TTN: variants seen among roughly 807,000 people sequenced by gnomAD.
TTN encodes the protein titin.
Under a neutral mutation model 3,223.0 loss-of-function variants are expected in TTN, and 1,525 were observed. The ratio of observed to expected loss-of-function variants is 0.47; its 90% CI spans 0.45 to 0.49. The LOEUF is 0.49. TTN is among the 20% of genes least tolerant of loss of function. The pLI is 0.00. For synonymous variants in TTN, 14,094 were observed against 15,161.0 expected (o/e 0.93, Z 5.17); for missense variants, 40,786 against 43,424.0 (o/e 0.94, Z 5.40).
At chr2:178,612,628 G>A (rs1005174273) in intron 265 of TTN, 52 bp from the exon 266 acceptor site, 47 of 1,565,938 alleles carry the variant, frequency 3.0e-5, no homozygotes, top group Non-Finnish European at 4.0e-5. Flanking sequence ...TTACCCAATA[G>A]TCAGTCTGAA....
chr2:178,633,413 C>A lies in TTN; in HGVS notation c.42946G>T (p.Ala14316Ser). 5 of 1,613,326 alleles carry A rather than the reference C, an allele frequency of 3.1e-6. No homozygotes were observed. Among genetic ancestry groups the A allele is most frequent in the Non-Finnish European group, 4.2e-6 (5 of 1,179,542 alleles). Residue 14316 changes from alanine (A) to serine (S), a missense_variant and splice_region_variant, in exon 232 of 363, where the codon GCT becomes TCT. Ala to Ser is a moderately conservative substitution (Grantham distance 99). Transcript: ENST00000589042. ...DKTKANVTVE[A>S]RLIKVEKPLY... Reference sequence around the variant, plus strand: ...AATTTTACATTGTTGAGCAACTCACCCTCAACAGTAACATTTGCCTTGGTC... The same window carrying A: ...AATTTTACATTGTTGAGCAACTCACACTCAACAGTAACATTTGCCTTGGTC...
At position 178,714,641 on chromosome 2, in the gene TTN, G is replaced by A. The variant is rs992648907; in HGVS notation, c.26201-68C>T. On this transcript the variant is annotated intron_variant, in intron 90 of 362. Coordinates refer to ENST00000589042, the MANE Select transcript of TTN (RefSeq NM_001267550.2). ...ACTGACAGCATTTTGCTCAAATCGT[G>A]AATGCCGGGAATCAAACTAGTGATA... The A allele has an allele frequency of 2.8e-5, 41 of 1,459,756 alleles. No homozygotes were observed. The Middle Eastern group carries it at 7.5e-4, about 27-fold the overall frequency. The allele number at this position is 1,459,756 out of a possible 1,614,324, so 90.4% of individuals were successfully genotyped here. A position where few individuals can be genotyped will look rare whatever the true frequency, so the allele number is the denominator to read the frequency against.
chr2:178,574,925 A>T lies in TTN; in HGVS notation c.71207T>A (p.Phe23736Tyr). ...IPGPPTGPIK[F>Y]DEVSSDFVTF... ...TACAAAATCAGATGAAACTTCATCA[A>T]ATTTGATTGGTCCAGTAGGTGGCCC... Residue 23736 changes from phenylalanine (F) to tyrosine (Y), a missense_variant, in exon 326 of 363, where the codon TTT (phenylalanine) becomes TAT (tyrosine). Phe to Tyr is a conservative substitution (Grantham distance 22). Coordinates refer to ENST00000589042, the MANE Select transcript of TTN (RefSeq NM_001267550.2). 3.7e-6 allele frequency: 6 copies of T among 1,613,004 alleles called. No individual in the cohort carries two copies. Among genetic ancestry groups the T allele is most frequent in the Non-Finnish European group, 5.1e-6 (6 of 1,179,474 alleles).
At chr2:178,600,608 G>A (rs1440310289) in intron 288 of TTN, 2 of 518,982 alleles carry the variant, frequency 3.9e-6, no homozygotes, top group South Asian at 2.5e-5. Context: ...CAGACTGCGA[G>A]GAAAATTACA....
In TTN at chr2:178,566,520, T is replaced by TCTTC. The variant is rs750188016; in HGVS notation, c.79611_79612insGAAG (p.Thr26538GlufsTer13). The TCTTC allele has an allele frequency of 1.2e-6, 2 of 1,613,404 alleles. No homozygotes were observed. Among genetic ancestry groups the TCTTC allele is most frequent in the Non-Finnish European group, 1.7e-6 (2 of 1,179,678 alleles). On this transcript the variant is annotated frameshift_variant, in exon 326 of 363. Transcript: ENST00000589042. LOFTEE classifies it high-confidence loss of function. ...GTGACTCTCAGGCCAGTCTGTGGAG[T>TCTTC]AACTATTTGCCATTCTTCTTCATCT...
In TTN at chr2:178,770,690, ATG is replaced by A; in HGVS notation, c.8117-17_8117-16del. ...AATTTTGACAGCTAAAGACAAATTTATGATTGGGTTAGAAAATATAGATGACA... is the reference window on the plus strand; with the variant it reads ...AATTTTGACAGCTAAAGACAAATTTAATTGGGTTAGAAAATATAGATGACA... On this transcript the variant is annotated splice_polypyrimidine_tract_variant and intron_variant, in intron 34 of 362. Transcript: ENST00000589042. 1 of 1,607,754 alleles carries A rather than the reference ATG, an allele frequency of 6.2e-7. No individual in the cohort carries two copies. Among genetic ancestry groups the A allele is most frequent in the Non-Finnish European group, 8.5e-7 (1 of 1,179,794 alleles).
In TTN at chr2:178,640,129, G is replaced by A. The variant is rs776934868; in HGVS notation, c.40724-19C>T. On this transcript the variant is annotated intron_variant, in intron 221 of 362. Transcript: ENST00000589042. ...TCAGGCACTGAAATAATTTAGAGTA[G>A]AGGGCAGATTATTACAGGATTTTTG... is the stretch of plus-strand genomic sequence containing the variant. 1.9e-6 allele frequency: 3 copies of A among 1,609,646 alleles called. No individual in the cohort carries two copies. The highest frequency in any genetic ancestry group is 2.5e-6 in the Non-Finnish European group (3 of 1,177,802).
At chr2:178,793,249 C>G (rs1419272456) in intron 9 of TTN, among the ~76,000 whole-genome samples, 155 bp downstream of exon 9, 9 of 152,186 alleles carry the variant, frequency 5.9e-5, no homozygotes, top group Non-Finnish European at 1.2e-4. Flanking sequence ...ACTTTGGTAT[C>G]CAGTACCCAG....
Position 178,542,360 on chromosome 2 carries a change from C to G in TTN, c.97396G>C (p.Glu32466Gln). Residue 32466 changes from glutamate (E) to glutamine (Q), a missense_variant, in exon 349 of 363, where the codon GAA (glutamate) becomes CAA (glutamine). Coordinates refer to ENST00000589042, the MANE Select transcript of TTN (RefSeq NM_001267550.2). ...RSTFKFTRLT[E>Q]GNEYVFRVAA... ...ACACGGAACACATACTCATTTCCTT[C>G]GGTGAGTCTGGTAAACTTAAACGTG... The G allele has an allele frequency of 6.2e-7, 1 of 1,613,484 alleles. No individual in the cohort carries two copies. The highest frequency in any genetic ancestry group is 1.3e-5 in the African/African-American group (1 of 74,984).
intron 6 of TTN, chr2:178,799,229 G>A: frequency 2.1e-6 from 1 of 487,064 alleles, no homozygotes; most frequent in Non-Finnish European, 3.7e-6. Flanking sequence ...ACCCTGACCT[G>A]CCACGCCCAC....
At position 178,587,392 on chromosome 2, in the gene TTN, T is replaced by C. The variant is rs944964747; in HGVS notation, c.63819A>G (p.Leu21273=). ...VLDTPGPVSD[L]KVSDVTKTSC... ...ATGTTTTAGTGACATCTGAAACTTT[T>C]AAATCAGACACAGGCCCAGGAGTGT... Residue 21273 remains leucine, a synonymous_variant, in exon 307 of 363, where the codon TTA becomes TTG. Transcript: ENST00000589042. The C allele has an allele frequency of 6.8e-6, 11 of 1,610,776 alleles. No homozygotes were observed. Among genetic ancestry groups the C allele is most frequent in the African/African-American group, 4.0e-5 (3 of 74,832 alleles).
chr2:178,534,628 G>A lies in TTN; in HGVS notation c.101987C>T (p.Thr33996Ile). 6.2e-7 allele frequency: 1 copy of A among 1,613,766 alleles called. No individual in the cohort carries two copies. Among genetic ancestry groups the A allele is most frequent in the Non-Finnish European group, 8.5e-7 (1 of 1,179,676 alleles). ...VHQHDVVSTATDMWSLGTLVY... is the reference protein window; with the variant it reads ...VHQHDVVSTAIDMWSLGTLVY... Reference sequence around the variant, plus strand: ...CAGTGTTCCAAGTGACCACATGTCTGTGGCTGTGCTGACAACATCATGCTG... The same window carrying A: ...CAGTGTTCCAAGTGACCACATGTCTATGGCTGTGCTGACAACATCATGCTG... The change falls in exon 358 of 363, where the codon ACA becomes ATA. Residue 33996 changes from threonine (T) to isoleucine (I), a missense_variant. Thr to Ile is a moderately conservative substitution (Grantham distance 89). Transcript: ENST00000589042.
chr2:178,773,245 C>G lies in TTN; in HGVS notation c.7719G>C (p.Lys2573Asn), dbSNP rs2091795391. Residue 2573 changes from lysine to asparagine, a missense_variant, in exon 33 of 363, where the codon AAG becomes AAC. Lys to Asn is a moderately conservative substitution (Grantham distance 94). Coordinates refer to ENST00000589042, the MANE Select transcript of TTN (RefSeq NM_001267550.2). ...VLWNFKDKEI[K>N]PSSKYKIEAH... The stretch of plus-strand genomic sequence containing the variant: ...CTTCAATTTTATATTTAGAACTGGG[C>G]TTGATTTCCTTGTCCTTAAAATTCC... The G allele has an allele frequency of 6.2e-7, 1 of 1,613,846 alleles. No individual in the cohort carries two copies. Among genetic ancestry groups the G allele is most frequent in the Admixed American group, 1.7e-5 (1 of 59,968 alleles).
chr2:178,678,868 T>C (rs751818290), intron 142 of TTN, 38 bp from the exon 143 acceptor site: 1 of 1,531,146 alleles, frequency 6.5e-7, no homozygotes, highest in Non-Finnish European at 8.8e-7. Flanking sequence ...TCACATTTTT[T>C]ACCCATAGCT....
chr2:178,624,950 A>G (rs2058809545), intron 241 of TTN, among the ~76,000 whole-genome samples: 1 of 152,024 alleles, frequency 6.6e-6, no homozygotes, highest in Non-Finnish European at 1.5e-5. Flanking sequence ...AACATTAAGG[A>G]AATAACAGCC....
chr2:178,542,177 A>T, intron 349 of TTN, 87 bp downstream of exon 349: 1 of 1,302,824 alleles, frequency 7.7e-7, no homozygotes, highest in East Asian at 2.5e-5. Context: ...ATTTTTATTT[A>T]CATTAGGGCA....
In TTN at chr2:178,536,138, T is replaced by A. The variant is rs1184341890; in HGVS notation, c.100609A>T (p.Ile33537Phe). Residue 33537 changes from isoleucine to phenylalanine, a missense_variant, in exon 357 of 363, where the codon ATT becomes TTT. Transcript: ENST00000589042. ...ATCCTATATTTTAATCCATCTGCAA[T>A]GATTTCTTTGCCTTGTCTGTACCAT... ...VKWYRQGKEI[I>F]ADGLKYRIQE... is the part of the protein sequence containing the mutation. 3 of 1,613,724 alleles carry A rather than the reference T, an allele frequency of 1.9e-6. No homozygotes were observed. Among genetic ancestry groups the A allele is most frequent in the Non-Finnish European group, 2.5e-6 (3 of 1,179,732 alleles).
At chr2:178,759,615 C>T (rs1002503331) in intron 43 of TTN, among the ~76,000 whole-genome samples, 1 of 151,934 alleles carries the variant, frequency 6.6e-6, no homozygotes, top group Non-Finnish European at 1.5e-5. Flanking sequence ...GCAGAAAAAT[C>T]AATCAAAAAG....
intron 214 of TTN, 95 bp downstream of exon 214, chr2:178,647,286 A>G (rs1315104781): frequency 2.1e-6 from 3 of 1,416,886 alleles, no homozygotes; most frequent in Non-Finnish European, 2.9e-6. Flanking sequence ...AATAACTTCA[A>G]TACAGACAGA....
Sources: gnomAD v4.1 joint callset for allele counts (sites outside exome capture counted in the v4.1 genomes callset) on GRCh38, gnomAD v4.1.1 for gene constraint, MANE v1.5 for transcripts, NCBI Gene and HGNC (gene_info 2026-07-23, HGNC 2026-07-21) for gene names.